The following ST6GAL2 variants were observed in gnomAD, a reference collection of about 807,000 sequenced individuals.
ST6GAL2 encodes the protein ST6 beta-galactoside alpha-2,6-sialyltransferase 2, also known as beta-galactoside alpha-2,6-sialyltransferase 2.
Under a neutral mutation model 37.5 loss-of-function variants are expected in ST6GAL2, and 24 were observed. That is an observed-to-expected ratio of 0.64 (90% CI 0.46 to 0.90). The LOEUF (loss-of-function observed/expected upper bound fraction) is 0.90, where lower values mean the gene tolerates loss of function less well. Ranked by LOEUF, ST6GAL2 falls within the 40% of genes least tolerant of loss-of-function variation. The probability of loss-of-function intolerance (pLI) is 0.00; values close to 1 mark genes in which losing one functional copy is unlikely to be tolerated. For synonymous variants in ST6GAL2, 306 were observed against 295.1 expected (o/e 1.04, Z -0.38); for missense variants, 715 against 712.7 (o/e 1.00, Z -0.04).
chr2:106,830,250 A>G lies in ST6GAL2; in HGVS notation c.1144-10T>C. ...CCGGTTTTTTGTACCACTAAGGAAA[A>G]AAAAATCAATGCAGTCAAGTAGAAA... On this transcript the variant is annotated splice_polypyrimidine_tract_variant and intron_variant, in intron 4 of 5. Transcript: ENST00000409382. 1 of 1,604,456 alleles carries G rather than the reference A, an allele frequency of 6.2e-7. No homozygotes were observed. The highest frequency in any genetic ancestry group is 8.5e-7 in the Non-Finnish European group (1 of 1,176,382).
Position 106,802,603 on chromosome 2 carries a change from G to C in ST6GAL2, c.*4075C>G, listed in dbSNP as rs1163586924. On this transcript the variant is annotated 3_prime_UTR_variant, in exon 6 of 6. Coordinates refer to ENST00000409382, the MANE Select transcript of ST6GAL2 (RefSeq NM_001142351.2). ...ATAATCTCATAAGAGAATATCCAGAGATAAAAGACAAGTTGAAACTCAGGG... is the reference window on the plus strand; with the variant it reads ...ATAATCTCATAAGAGAATATCCAGACATAAAAGACAAGTTGAAACTCAGGG... 2 of 152,130 alleles carry C rather than the reference G, an allele frequency of 1.3e-5. No homozygotes were observed. Among genetic ancestry groups the C allele is most frequent in the Non-Finnish European group, 2.9e-5 (2 of 68,024 alleles). 9.4% of individuals were successfully genotyped at this position (152,130 alleles called of 1,614,324 possible).
At chr2:106,812,716 A>G (rs980632439) in intron 5 of ST6GAL2, among the ~76,000 whole-genome samples, 8 of 152,210 alleles carry the variant, frequency 5.3e-5, no homozygotes, top group African/African-American at 1.9e-4. Context: ...TTACTTTGTA[A>G]TCATTTCCCC....
intron 5 of ST6GAL2, among the ~76,000 whole-genome samples, chr2:106,828,426 CAA>C (rs981940257): frequency 1.2e-4 from 18 of 151,910 alleles, no homozygotes; most frequent in African/African-American, 4.4e-4. Flanking sequence ...CTTAGGATTT[CAA>C]AAGAGTGATT....
intron 1 of ST6GAL2, among the ~76,000 whole-genome samples, chr2:106,871,482 T>G (rs1385313118): frequency 1.3e-5 from 2 of 152,238 alleles, no homozygotes; most frequent in Non-Finnish European, 2.9e-5. Context: ...TTTAACTGTA[T>G]AAACTTTTTA....
chr2:106,862,170 T>TGCA (rs1282299866), intron 1 of ST6GAL2, among the ~76,000 whole-genome samples: 1 of 152,226 alleles, frequency 6.6e-6, no homozygotes, highest in Non-Finnish European at 1.5e-5. Flanking sequence ...TTAAATGAAA[T>TGCA]GCTAATGCTG....
rs762221807 is a variant in ST6GAL2 at position 106,801,789 on chromosome 2, A to G, written c.*4889T>C. On this transcript the variant is annotated 3_prime_UTR_variant, in exon 6 of 6. Transcript: ENST00000409382. ...GAGTACACATTTCATTTTAAAAATT[A>G]TCATACAAAAGAATTCCCAAAGCTG... 6.6e-6 allele frequency: 1 copy of G among 152,242 alleles called. No individual in the cohort carries two copies. The highest frequency in any genetic ancestry group is 2.4e-5 in the African/African-American group (1 of 41,468). The allele number at this position is 152,242 out of a possible 1,614,324, so 9.4% of individuals were successfully genotyped here. A position where few individuals can be genotyped will look rare whatever the true frequency, so the allele number is the denominator to read the frequency against.
At chr2:106,812,656 G>A (rs1024875910) in intron 5 of ST6GAL2, among the ~76,000 whole-genome samples, 2 of 152,180 alleles carry the variant, frequency 1.3e-5, no homozygotes, top group Admixed American at 6.5e-5. Context: ...AGCTGGCGGT[G>A]TTGTCTTTTC....
chr2:106,857,998 TC>T (rs1376616704), intron 1 of ST6GAL2, among the ~76,000 whole-genome samples: 1 of 152,216 alleles, frequency 6.6e-6, no homozygotes, highest in African/African-American at 2.4e-5. Flanking sequence ...TTTTGAGGTT[TC>T]TACCTCTGAG....
At chr2:106,848,284 G>A (rs1191327498) in intron 1 of ST6GAL2, among the ~76,000 whole-genome samples, 2 of 152,098 alleles carry the variant, frequency 1.3e-5, no homozygotes, top group Non-Finnish European at 2.9e-5. Flanking sequence ...CTATCGCTAA[G>A]GAAATTCCAA....
At chr2:106,882,933 C>T (rs1057275799) in intron 1 of ST6GAL2, among the ~76,000 whole-genome samples, 2 of 152,210 alleles carry the variant, frequency 1.3e-5, no homozygotes, top group African/African-American at 4.8e-5. Context: ...TTTCCATACA[C>T]AGAACAATTC....
At chr2:106,886,527 A>G (rs940020294), upstream of ST6GAL2, 1 of 151,768 alleles carries the variant, frequency 6.6e-6, no homozygotes, top group Non-Finnish European at 1.5e-5. Context: ...GGCTACGCTC[A>G]GCCCCGCGCT....
intron 5 of ST6GAL2, among the ~76,000 whole-genome samples, chr2:106,826,201 G>T (rs1023777260): frequency 3.3e-5 from 5 of 152,146 alleles, no homozygotes; most frequent in African/African-American, 1.2e-4. Context: ...AAATACCTGA[G>T]ACTGCGTAAA....
intron 1 of ST6GAL2, among the ~76,000 whole-genome samples, chr2:106,884,944 C>T (rs1280577756): frequency 4.8e-5 from 5 of 103,402 alleles, no homozygotes; most frequent in Non-Finnish European, 8.4e-5. Flanking sequence ...TACATACACA[C>T]ACACACATAT....
At chr2:106,862,352 T>C (rs1677837185) in intron 1 of ST6GAL2, among the ~76,000 whole-genome samples, 1 of 152,200 alleles carries the variant, frequency 6.6e-6, no homozygotes, top group Non-Finnish European at 1.5e-5. Context: ...TTAACTACAG[T>C]ACAAATACAT....
chr2:106,815,688 C>T (rs1362317407), intron 5 of ST6GAL2, among the ~76,000 whole-genome samples: 1 of 152,178 alleles, frequency 6.6e-6, no homozygotes, highest in Non-Finnish European at 1.5e-5. Flanking sequence ...TCAGTATCTT[C>T]ATTTTACAGA....
At chr2:106,823,070 T>C (rs1573220534) in intron 5 of ST6GAL2, 1 of 152,210 alleles carries the variant, frequency 6.6e-6, no homozygotes, top group South Asian at 2.1e-4. Flanking sequence ...GAGTTTGCTT[T>C]CTTCAATGCT....
intron 1 of ST6GAL2, among the ~76,000 whole-genome samples, chr2:106,884,934 T>TATATATATATATATAC (rs1425070594): frequency 0.016 from 1,884 of 120,020 alleles, 53 homozygotes; most frequent in Non-Finnish European, 0.02. Flanking sequence ...TATATATATA[T>TATATATATATATATAC]ACATACACAC....
At chr2:106,873,651 G>A (rs372506368) in intron 1 of ST6GAL2, among the ~76,000 whole-genome samples, 178 of 152,332 alleles carry the variant, frequency 1.2e-3, no homozygotes, top group Middle Eastern at 0.01. Context: ...AAGAAACAAA[G>A]ATGCTGAATG....
chr2:106,829,066 C>G (rs1310128064), intron 5 of ST6GAL2, among the ~76,000 whole-genome samples: 1 of 152,224 alleles, frequency 6.6e-6, no homozygotes, highest in Non-Finnish European at 1.5e-5. Context: ...TACTCATAAT[C>G]TTGAAACACA....
Sources: allele counts gnomAD v4.1 joint callset (sites outside exome capture counted in the v4.1 genomes callset), GRCh38; gene constraint gnomAD v4.1.1; transcripts MANE v1.5; gene names NCBI Gene and HGNC (gene_info 2026-07-23, HGNC 2026-07-21).